LCP1: variants seen among roughly 807,000 people sequenced by gnomAD.
LCP1 encodes plastin-2.
In LCP1, 23 loss-of-function variants were observed where a neutral mutation model predicts 72.0. That is an observed-to-expected ratio of 0.32 (90% CI 0.23 to 0.45). The LOEUF is 0.45. Ranked by LOEUF, LCP1 falls within the 20% of genes least tolerant of loss-of-function variation. LCP1 has a pLI of 1.00. For missense variants in LCP1, 571 were observed against 748.3 expected (o/e 0.76, Z 2.76); for synonymous variants, 245 against 275.4 (o/e 0.89, Z 1.09).
intron 12 of LCP1, chr13:46,142,934 G>A (rs754614067): frequency 2.9e-5 from 10 of 349,908 alleles, no homozygotes; most frequent in Non-Finnish European, 4.5e-5. Context: ...GTTGACAGTC[G>A]ACAAACTGTT....
At chr13:46,174,754 G>C (rs946061765) in intron 1 of LCP1, among the ~76,000 whole-genome samples, 2 of 149,950 alleles carry the variant, frequency 1.3e-5, no homozygotes, top group South Asian at 2.1e-4. Context: ...GCTGAGGCAG[G>C]AGAATCTCTT....
At chr13:46,173,012 A>G (rs1026740292) in intron 1 of LCP1, among the ~76,000 whole-genome samples, 1 of 152,202 alleles carries the variant, frequency 6.6e-6, no homozygotes, top group Non-Finnish European at 1.5e-5. Context: ...TTAAGAACCT[A>G]AAGTTTTATT....
chr13:46,173,010 C>T (rs1044241454), intron 1 of LCP1, among the ~76,000 whole-genome samples: 6 of 152,102 alleles, frequency 3.9e-5, no homozygotes, highest in African/African-American at 1.4e-4. Flanking sequence ...TTTTAAGAAC[C>T]TAAAGTTTTA....
rs1382437006 is a variant in LCP1, at chr13:46,145,676, G to A, written c.1175-1156C>T. Among the ~76,000 whole-genome samples the A allele has an allele frequency of 2.6e-5, 2 of 77,826 alleles. 1 individual carries two copies. The highest frequency in any genetic ancestry group is 1.4e-4 in the African/African-American group (2 of 14,422). 51.1% of individuals were successfully genotyped at this position (77,826 alleles called of 152,430 possible). A position where few individuals can be genotyped will look rare whatever the true frequency, so the allele number is the denominator to read the frequency against. On this transcript the variant is annotated intron_variant, in intron 10 of 15. Transcript: ENST00000323076. ...TGTAATCCCAGCACTTTGGGAGGCC[G>A]AGGCGGGCGGATCACGAGGTCAGGA...
intron 8 of LCP1, 127 bp from the exon 9 acceptor site, chr13:46,148,574 A>G: frequency 1.9e-6 from 1 of 523,942 alleles, no homozygotes. Context: ...GTAACTTAAC[A>G]AAGCTAGAAA....
intron 1 of LCP1, among the ~76,000 whole-genome samples, chr13:46,177,409 A>C (rs2045936587): frequency 6.6e-6 from 1 of 152,328 alleles, no homozygotes; most frequent in African/African-American, 2.4e-5. Flanking sequence ...TGGGAGGCCG[A>C]GGCAGGCAGA....
chr13:46,130,603 T>C (rs758918955), intron 15 of LCP1, among the ~76,000 whole-genome samples: 1 of 139,436 alleles, frequency 7.2e-6, no homozygotes, highest in Admixed American at 7.4e-5. Flanking sequence ...TTTTTTTTTG[T>C]CTTGCTCCCA....
At chr13:46,172,651 C>T (rs1052982078) in intron 1 of LCP1, among the ~76,000 whole-genome samples, 3 of 152,246 alleles carry the variant, frequency 2.0e-5, no homozygotes, top group African/African-American at 7.2e-5. Context: ...GCGTGCTGCT[C>T]GTTCTCACTA....
Position 46,148,779 on chromosome 13 carries a change from T to A in LCP1, c.883-332A>T, listed in dbSNP as rs2045746016. The A allele has an allele frequency of 2.1e-5, 18 of 859,998 alleles. No individual in the cohort carries two copies. In the South Asian group the frequency reaches 8.7e-4, roughly 42 times the overall value. The allele number at this position is 859,998 out of a possible 1,614,324, so 53.3% of individuals were successfully genotyped here. ...AATTGTATACAGGAAAATATATATATACCTTTATATTGCTGTAGAAGTCAG... is the reference window on the plus strand; with the variant it reads ...AATTGTATACAGGAAAATATATATAAACCTTTATATTGCTGTAGAAGTCAG... On this transcript the variant is annotated intron_variant, in intron 8 of 15. Coordinates refer to ENST00000323076, the MANE Select transcript of LCP1 (RefSeq NM_002298.5).
In LCP1 at chr13:46,158,608, C is replaced by T; in HGVS notation, c.272G>A (p.Arg91Lys). The change falls in exon 4 of 16, where the codon AGA becomes AAA. Residue 91 changes from arginine to lysine, a missense_variant. Coordinates refer to ENST00000323076, the MANE Select transcript of LCP1 (RefSeq NM_002298.5). ...CCCTTCCTTCTTATTGATTGCTTTT[C>T]TAAAGGTCTTGGCAACATCTGTGCT... is the stretch of plus-strand genomic sequence containing the variant. The part of the protein sequence containing the change: ...LKSTDVAKTF[R>K]KAINKKEGIC... The T allele has an allele frequency of 1.9e-6, 3 of 1,614,148 alleles. No individual in the cohort carries two copies. Among genetic ancestry groups the T allele is most frequent in the Non-Finnish European group, 2.5e-6 (3 of 1,180,028 alleles).
At chr13:46,153,048 G>A in intron 6 of LCP1, 103 bp from the exon 7 acceptor site, 1 of 1,123,594 alleles carries the variant, frequency 8.9e-7, no homozygotes, top group Middle Eastern at 2.4e-4. Flanking sequence ...AAGGTCACAG[G>A]TTTAGAGTCA....
intron 1 of LCP1, chr13:46,169,818 T>G (rs2045895755): frequency 6.6e-6 from 1 of 152,158 alleles, no homozygotes; most frequent in African/African-American, 2.4e-5. Context: ...CAAACCCAAT[T>G]AAAACAACTC....
Position 46,152,936 on chromosome 13 carries a change from T to G in LCP1, c.583A>C (p.Asn195His). The change falls in exon 7 of 16, where the codon AAC becomes CAC. Residue 195 changes from asparagine (N) to histidine (H), a missense_variant. Physicochemically the swap from Asn to His is moderately conservative, Grantham distance 68. Coordinates refer to ENST00000323076, the MANE Select transcript of LCP1 (RefSeq NM_002298.5). ...GCTGAGGCAGAGTTCAGAGCCAAGT[T>G]CAGATTTTCCTGAGGGAGAAAATGT... is the stretch of plus-strand genomic sequence containing the variant. ...LTPFTIQENL[N>H]LALNSASAIG... 2 of 1,606,084 alleles carry G rather than the reference T, an allele frequency of 1.2e-6. No individual in the cohort carries two copies. The highest frequency in any genetic ancestry group is 1.7e-6 in the Non-Finnish European group (2 of 1,177,780).
At chr13:46,163,651 AAC>A (rs869273180) in intron 1 of LCP1, among the ~76,000 whole-genome samples, 12 of 150,528 alleles carry the variant, frequency 8.0e-5, no homozygotes, top group African/African-American at 2.3e-4. Context: ...AAAAAAAAAA[AAC>A]AATGAGTTAT....
In LCP1 at chr13:46,147,023, T is replaced by C; in HGVS notation, c.1059A>G (p.Thr353=). The change falls in exon 10 of 16, where the codon ACA becomes ACG. Residue 353 remains threonine (T), a synonymous_variant. Coordinates refer to ENST00000323076, the MANE Select transcript of LCP1 (RefSeq NM_002298.5). The part of the protein sequence containing the change: ...RLGCRQFVTA[T]DVVRGNPKLN... The stretch of plus-strand genomic sequence containing the variant: ...ACTTGGGGTTCCCTCGGACAACATC[T>C]GTGGCTGTGACAAACTGCCGGCAGC... 6.2e-7 allele frequency: 1 copy of C among 1,613,930 alleles called. No homozygotes were observed. The highest frequency in any genetic ancestry group is 8.5e-7 in the Non-Finnish European group (1 of 1,179,960).
At chr13:46,172,150 C>T (rs1196787275) in intron 1 of LCP1, among the ~76,000 whole-genome samples, 1 of 152,178 alleles carries the variant, frequency 6.6e-6, no homozygotes. Context: ...AGTAGTTTTC[C>T]AAACAGACAA....
At chr13:46,151,669 AT>A (rs1462667489) in intron 7 of LCP1, among the ~76,000 whole-genome samples, 1 of 152,122 alleles carries the variant, frequency 6.6e-6, no homozygotes, top group African/African-American at 2.4e-5. Flanking sequence ...TAAGATCCCT[AT>A]TTCCTCTCCC....
At chr13:46,138,789 G>C (rs1566435078) in intron 13 of LCP1, among the ~76,000 whole-genome samples, 1 of 152,052 alleles carries the variant, frequency 6.6e-6, no homozygotes, top group South Asian at 2.1e-4. Flanking sequence ...TGGGACTACA[G>C]GCACGCACCA....
At chr13:46,152,618 G>A (rs779451538) in intron 7 of LCP1, among the ~76,000 whole-genome samples, 162 bp downstream of exon 7, 7 of 152,122 alleles carry the variant, frequency 4.6e-5, no homozygotes, top group South Asian at 2.1e-4. Flanking sequence ...ATTAAAAAAC[G>A]TCTGGTCTGT....
Sources: allele counts gnomAD v4.1 joint callset (sites outside exome capture counted in the v4.1 genomes callset), GRCh38; gene constraint gnomAD v4.1.1; transcripts MANE v1.5; gene names NCBI Gene and HGNC (gene_info 2026-07-23, HGNC 2026-07-21).